NBEA: variants seen among roughly 807,000 people sequenced by gnomAD.
The protein encoded by NBEA is neurobeachin.
NBEA carries 44 observed loss-of-function variants against 343.4 expected under a neutral mutation model. The observed-to-expected ratio is 0.13, with a 90% confidence interval of 0.10 to 0.16. The LOEUF is 0.16. NBEA is among the 10% of genes least tolerant of loss of function. The probability of loss-of-function intolerance (pLI) is 1.00; values close to 1 mark genes in which losing one functional copy is unlikely to be tolerated. For synonymous variants in NBEA, 1,175 were observed against 1,238.7 expected (o/e 0.95, Z 1.08); for missense variants, 2,555 against 3,631.3 (o/e 0.70, Z 7.62).
chr13:35,153,539 T>C (rs1013035306), intron 18 of NBEA, among the ~76,000 whole-genome samples: 5 of 152,204 alleles, frequency 3.3e-5, no homozygotes, highest in Admixed American at 6.5e-5. Context: ...TCTGAGTATA[T>C]GTTTGTCATT....
chr13:35,063,436 AG>A (rs1452361233), intron 8 of NBEA, among the ~76,000 whole-genome samples: 1 of 152,040 alleles, frequency 6.6e-6, no homozygotes, highest in Non-Finnish European at 1.5e-5. Context: ...AAGAGCTTTA[AG>A]GGCAAATGCC....
chr13:35,465,843 G>C lies in NBEA; in HGVS notation c.6449-6557G>C, dbSNP rs536925021. Among the ~76,000 whole-genome samples, 5 of 142,658 alleles carry C rather than the reference G, an allele frequency of 3.5e-5. No homozygotes were observed. The South Asian group carries it at 9.0e-4, about 26-fold the overall frequency. The allele number at this position is 142,658 out of a possible 152,430, so 93.6% of individuals were successfully genotyped here. On this transcript the variant is annotated intron_variant, in intron 40 of 58. Coordinates refer to ENST00000379939, the MANE Select transcript of NBEA (RefSeq NM_001385012.1). The stretch of plus-strand genomic sequence containing the variant: ...CAGCAGTTTTTTTTTTTTCTTTTTT[G>C]GTTCCTTGTAACATAAAGAATTACC...
chr13:34,992,243 T>C (rs1308828224), intron 1 of NBEA, among the ~76,000 whole-genome samples: 20 of 130,428 alleles, frequency 1.5e-4, no homozygotes, highest in African/African-American at 5.4e-4. Flanking sequence ...TGTGTGTATA[T>C]ATATATATAT....
At chr13:35,615,370 G>A (rs953246922) in intron 48 of NBEA, among the ~76,000 whole-genome samples, 1 of 151,502 alleles carries the variant, frequency 6.6e-6, no homozygotes, top group East Asian at 1.9e-4. Context: ...TTGAGACAGA[G>A]TCTTACTCTG....
At chr13:35,098,864 CT>C (rs2065471982) in intron 11 of NBEA, among the ~76,000 whole-genome samples, 1 of 151,948 alleles carries the variant, frequency 6.6e-6, no homozygotes, top group Non-Finnish European at 1.5e-5. Context: ...TTTTGTTCAG[CT>C]TTTTCATGCT....
chr13:35,138,887 C>T (rs1326163678), intron 17 of NBEA, among the ~76,000 whole-genome samples: 1 of 151,886 alleles, frequency 6.6e-6, no homozygotes, highest in African/African-American at 2.4e-5. Context: ...CTCATCCTGT[C>T]ATTTATATCT....
At chr13:35,053,504 A>T (rs1043682049) in intron 6 of NBEA, among the ~76,000 whole-genome samples, 7 of 151,954 alleles carry the variant, frequency 4.6e-5, no homozygotes, top group African/African-American at 1.7e-4. Flanking sequence ...TACTTATAGT[A>T]TTTACTTTTA....
At chr13:35,607,787 C>G (rs1004753791) in intron 48 of NBEA, among the ~76,000 whole-genome samples, 4 of 152,038 alleles carry the variant, frequency 2.6e-5, no homozygotes, top group Non-Finnish European at 5.9e-5. Flanking sequence ...AGTCCATTCA[C>G]AAAGTTGTGC....
chr13:35,281,278 A>G (rs1333652240), intron 34 of NBEA, among the ~76,000 whole-genome samples: 2 of 152,142 alleles, frequency 1.3e-5, no homozygotes, highest in Admixed American at 6.5e-5. Flanking sequence ...ATTCCTATGA[A>G]TGAATGCAAC....
chr13:35,078,885 G>A (rs2064241485), intron 10 of NBEA, among the ~76,000 whole-genome samples: 1 of 152,096 alleles, frequency 6.6e-6, no homozygotes, highest in Non-Finnish European at 1.5e-5. Context: ...AGTGGGGTGT[G>A]GTGGCACGTG....
chr13:35,118,621 C>T (rs1020185925), intron 16 of NBEA, 147 bp downstream of exon 16: 11 of 602,032 alleles, frequency 1.8e-5, no homozygotes, highest in Admixed American at 3.2e-5. Flanking sequence ...TATTGATCCT[C>T]GAATACTCAG....
rs943407261 is a variant in NBEA at position 35,603,929 on chromosome 13, G to A, written c.7297-2497G>A. ...AATTCCTCATGTTTTCCCAAAGAGT[G>A]AGAGTAAGAGCAGAAGAAACTATAT... On this transcript the variant is annotated intron_variant, in intron 47 of 58. Coordinates refer to ENST00000379939, the MANE Select transcript of NBEA (RefSeq NM_001385012.1). 2.0e-5 allele frequency among the ~76,000 whole-genome samples: 3 copies of A among 152,230 alleles called. No homozygotes were observed. The East Asian group carries it at 5.8e-4, about 29-fold the overall frequency.
At chr13:35,521,379 C>T (rs1009253943) in intron 41 of NBEA, among the ~76,000 whole-genome samples, 5 of 152,062 alleles carry the variant, frequency 3.3e-5, no homozygotes, top group Non-Finnish European at 5.9e-5. Context: ...TATGAATATT[C>T]AGGAATCATT....
intron 48 of NBEA, among the ~76,000 whole-genome samples, chr13:35,620,826 C>G (rs775022194): frequency 2.2e-4 from 34 of 152,034 alleles, no homozygotes; most frequent in Non-Finnish European, 1.9e-4. Flanking sequence ...CCTGGGACTT[C>G]CTACCAGTGG....
intron 41 of NBEA, among the ~76,000 whole-genome samples, chr13:35,533,614 C>T (rs2078380085): frequency 6.6e-6 from 1 of 152,096 alleles, no homozygotes; most frequent in Admixed American, 6.6e-5. Context: ...TGCCCTATTA[C>T]CTCAAATTCT....
At chr13:35,094,140 A>G (rs1282849061) in intron 10 of NBEA, among the ~76,000 whole-genome samples, 1 of 152,012 alleles carries the variant, frequency 6.6e-6, no homozygotes, top group African/African-American at 2.4e-5. Flanking sequence ...TAAAATTAAA[A>G]ATCTCTGACA....
intron 47 of NBEA, among the ~76,000 whole-genome samples, chr13:35,593,656 C>T (rs1462511021): frequency 2.6e-5 from 4 of 151,886 alleles, no homozygotes; most frequent in Non-Finnish European, 4.4e-5. Context: ...AAGGTGTTTT[C>T]GTTATTTCAA....
At chr13:35,666,501 T>C (rs1001226728) in intron 56 of NBEA, among the ~76,000 whole-genome samples, 2 of 152,042 alleles carry the variant, frequency 1.3e-5, no homozygotes, top group Admixed American at 1.3e-4. Flanking sequence ...TTAGAGATGA[T>C]TGCTGGTGTT....
intron 33 of NBEA, 112 bp from the exon 34 acceptor site, chr13:35,232,380 A>G: frequency 2.8e-6 from 2 of 724,978 alleles, no homozygotes; most frequent in South Asian, 4.2e-5. Flanking sequence ...TTATTATTCC[A>G]TGGGCTAGAA....
Sources: allele counts gnomAD v4.1 joint callset (sites outside exome capture counted in the v4.1 genomes callset), GRCh38; gene constraint gnomAD v4.1.1; transcripts MANE v1.5; gene names NCBI Gene and HGNC (gene_info 2026-07-23, HGNC 2026-07-21).